GRID2IP: variants seen among roughly 807,000 people sequenced by gnomAD.
GRID2IP encodes delphilin.
In GRID2IP, 78 loss-of-function variants were observed where a neutral mutation model predicts 114.3. The observed-to-expected ratio is 0.68, with a 90% CI of 0.57 to 0.82. The LOEUF (loss-of-function observed/expected upper bound fraction) is 0.82, where lower values mean the gene tolerates loss of function less well. GRID2IP is among the 40% of genes least tolerant of loss of function. GRID2IP has a pLI of 0.00. For synonymous variants in GRID2IP, 809 were observed against 724.0 expected, an observed-to-expected ratio of 1.12 and a Z score of -1.89; for missense variants, 1,727 against 1,678.5, an observed-to-expected ratio of 1.03 and a Z score of -0.51.
Position 6,508,115 on chromosome 7 carries a change from G to C in GRID2IP, c.2414C>G (p.Pro805Arg), listed in dbSNP as rs1419351504. Reference protein sequence around the residue: ...VPPPPPPPLPPPVPCAPPMLS... With the variant: ...VPPPPPPPLPRPVPCAPPMLS... The stretch of plus-strand genomic sequence containing the variant: ...CATGGGGGGTGCACAGGGCACGGGT[G>C]GGGGCAGGGGCGGTGGGGGTGGTGG... The change falls in exon 13 of 22, where the codon CCA becomes CGA. Residue 805 changes from proline to arginine, a missense_variant. Pro to Arg is a moderately radical substitution (Grantham distance 103, BLOSUM62 -2). Coordinates refer to ENST00000457091, the MANE Select transcript of GRID2IP (RefSeq NM_001145118.2). The surrounding 1 kb of genome is among the most constrained non-coding windows in gnomAD (Gnocchi z 5.6). 1.3e-6 allele frequency: 2 copies of C among 1,528,882 alleles called. No individual in the cohort carries two copies. Among genetic ancestry groups the C allele is most frequent in the Non-Finnish European group, 1.8e-6 (2 of 1,138,898 alleles). The allele number at this position is 1,528,882 out of a possible 1,614,324, so 94.7% of individuals were successfully genotyped here. A position where few individuals can be genotyped will look rare whatever the true frequency, so the allele number is the denominator to read the frequency against.
At chr7:6,500,961 C>T (rs1013908555) in intron 20 of GRID2IP, among the ~76,000 whole-genome samples, 2 of 152,216 alleles carry the variant, frequency 1.3e-5, no homozygotes, top group Non-Finnish European at 2.9e-5. Flanking sequence ...GCTCTGGGCT[C>T]CACTGCCCCA....
chr7:6,542,004 CAA>C (rs1324309542), intron 1 of GRID2IP, among the ~76,000 whole-genome samples: 1 of 152,010 alleles, frequency 6.6e-6, no homozygotes, highest in African/African-American at 2.4e-5. Flanking sequence ...AGGCCAAAAA[CAA>C]AGAGGAAAAT....
Position 6,508,082 on chromosome 7 carries a change from CGGGACAGCATGG to C in GRID2IP, c.2435_2446del (p.Pro812_Ser815del). ...CTCACTGCGCCGGTGGCCCAGGCCC[CGGGACAGCATGG>C]GGGGTGCACAGGGCACGGGTGGGGG... On this transcript the variant is annotated inframe_deletion, in exon 13 of 22. Transcript: ENST00000457091. The surrounding 1 kb of genome is among the most constrained non-coding windows in gnomAD (Gnocchi z 5.6). The C allele has an allele frequency of 7.9e-7, 1 of 1,264,124 alleles. No individual in the cohort carries two copies. The highest frequency in any genetic ancestry group is 1.0e-6 in the Non-Finnish European group (1 of 974,902). The allele number at this position is 1,264,124 out of a possible 1,614,324, so 78.3% of individuals were successfully genotyped here.
chr7:6,531,321 T>C (rs1025085632), intron 2 of GRID2IP: 41 of 390,588 alleles, frequency 1.0e-4, no homozygotes, highest in Non-Finnish European at 1.7e-4. Flanking sequence ...TTTTGGTCGC[T>C]CTGGGGTGCA....
intron 1 of GRID2IP, among the ~76,000 whole-genome samples, chr7:6,540,536 T>C (rs976965595): frequency 6.6e-6 from 1 of 151,768 alleles, no homozygotes. Context: ...TTATTTATTT[T>C]TTGTGACAGA....
intron 7 of GRID2IP, among the ~76,000 whole-genome samples, chr7:6,517,220 A>G (rs894349143): frequency 6.8e-6 from 1 of 146,916 alleles, no homozygotes; most frequent in African/African-American, 2.5e-5. Context: ...ACGCCCGGCT[A>G]TTTTTTTTTT....
intron 20 of GRID2IP, among the ~76,000 whole-genome samples, chr7:6,501,153 C>G (rs1363680702): frequency 6.6e-6 from 1 of 152,196 alleles, no homozygotes; most frequent in Non-Finnish European, 1.5e-5. Flanking sequence ...GAGTGCAAGA[C>G]CAGCCTGGAA....
At position 6,520,464 on chromosome 7, in the gene GRID2IP, A is replaced by C. The variant is rs1227594093; in HGVS notation, c.1268+114T>G. Reference sequence around the variant, plus strand: ...GATACCAGCAGCCACCTTCCTGAGCATCCCCCAGGAGAACGGGACTGAGGA... The same window carrying C: ...GATACCAGCAGCCACCTTCCTGAGCCTCCCCCAGGAGAACGGGACTGAGGA... On this transcript the variant is annotated intron_variant, in intron 7 of 21. Transcript: ENST00000457091. The surrounding 1 kb of genome is among the most constrained non-coding windows in gnomAD (Gnocchi z 4.6). 1.7e-6 allele frequency: 2 copies of C among 1,188,660 alleles called. No homozygotes were observed. The highest frequency in any genetic ancestry group is 2.3e-6 in the Non-Finnish European group (2 of 869,522). 73.6% of individuals were successfully genotyped at this position (1,188,660 alleles called of 1,614,324 possible).
Position 6,532,528 on chromosome 7 carries a change from A to AC in GRID2IP, c.585-5760dup, listed in dbSNP as rs889978021. 2.0e-5 allele frequency among the ~76,000 whole-genome samples: 3 copies of AC among 151,186 alleles called. No individual in the cohort carries two copies. The highest frequency in any genetic ancestry group is 4.2e-4 in the South Asian group (2 of 4,766). On this transcript the variant is annotated intron_variant, in intron 2 of 21. Coordinates refer to ENST00000457091, the MANE Select transcript of GRID2IP (RefSeq NM_001145118.2). This position sits in a 1 kb window ranked among gnomAD's most constrained non-coding sequence, Gnocchi z 4.4. ...CTTGCAAGACCATCACTTTGCTGTGACCCCCCGTGGCTGTACTTCTTCCTG... is the reference window on the plus strand; with the variant it reads ...CTTGCAAGACCATCACTTTGCTGTGACCCCCCCGTGGCTGTACTTCTTCCTG...
chr7:6,520,900 T>G lies in GRID2IP; in HGVS notation c.1085-139A>C. The G allele has an allele frequency of 2.5e-6, 2 of 798,850 alleles. No homozygotes were observed. The highest frequency in any genetic ancestry group is 3.9e-6 in the Non-Finnish European group (2 of 511,458). The allele number at this position is 798,850 out of a possible 1,614,324, so 49.5% of individuals were successfully genotyped here. A position where few individuals can be genotyped will look rare whatever the true frequency, so the allele number is the denominator to read the frequency against. On this transcript the variant is annotated intron_variant, in intron 6 of 21. Transcript: ENST00000457091. This position sits in a 1 kb window ranked among gnomAD's most constrained non-coding sequence, Gnocchi z 4.6. ...TGCCATGCATGGGAAGGCATGCCTGTGGCCCGACACCGGGGCCAAGGATAG... is the reference window on the plus strand; with the variant it reads ...TGCCATGCATGGGAAGGCATGCCTGGGGCCCGACACCGGGGCCAAGGATAG...
intron 16 of GRID2IP, 115 bp downstream of exon 16, chr7:6,503,376 A>G: frequency 8.9e-7 from 1 of 1,129,940 alleles, no homozygotes; most frequent in Non-Finnish European, 1.2e-6. Flanking sequence ...TGGGACTCAG[A>G]GGCTTGGGCG....
At chr7:6,515,266 A>C (rs1017667196) in intron 7 of GRID2IP, among the ~76,000 whole-genome samples, 4 of 152,120 alleles carry the variant, frequency 2.6e-5, no homozygotes, top group Admixed American at 2.6e-4. Flanking sequence ...GTTCAAGACC[A>C]GTCTGGCCAA....
At chr7:6,549,429 A>G (rs574066840) in intron 1 of GRID2IP, among the ~76,000 whole-genome samples, 1 of 152,160 alleles carries the variant, frequency 6.6e-6, no homozygotes, top group South Asian at 2.1e-4. Flanking sequence ...GGACCACGCT[A>G]ATATTCCACC....
At position 6,539,821 on chromosome 7, in the gene GRID2IP, C is replaced by A; in HGVS notation, c.481G>T (p.Ala161Ser). ...QPTAKEQVFAALKQFAAEQRV... is the reference protein window; with the variant it reads ...QPTAKEQVFASLKQFAAEQRV... ...TGCTCAGCTGCAAACTGCTTCAGTG[C>A]AGCGAACACCTGCTCCTTGGCAGTT... is the stretch of plus-strand genomic sequence containing the variant. The change falls in exon 2 of 22, where the codon GCA becomes TCA. Residue 161 changes from alanine to serine, a missense_variant. By Grantham distance (99) the Ala-to-Ser change is moderately conservative. Transcript: ENST00000457091. 2 of 1,551,202 alleles carry A rather than the reference C, an allele frequency of 1.3e-6. No homozygotes were observed. The highest frequency in any genetic ancestry group is 1.7e-6 in the Non-Finnish European group (2 of 1,146,958).
intron 2 of GRID2IP, among the ~76,000 whole-genome samples, chr7:6,531,848 G>T (rs550494100): frequency 6.6e-6 from 1 of 152,194 alleles, no homozygotes; most frequent in Non-Finnish European, 1.5e-5. Context: ...TGACCCAGAG[G>T]GGGGTGTTGG....
intron 2 of GRID2IP, among the ~76,000 whole-genome samples, chr7:6,530,540 C>T (rs13240399): frequency 3.6e-5 from 5 of 140,812 alleles, no homozygotes; most frequent in Admixed American, 1.4e-4. Flanking sequence ...TCCCAAAGTG[C>T]TGGGATTACA....
chr7:6,536,773 T>C lies in GRID2IP; in HGVS notation c.584+2945A>G, dbSNP rs1382318437. The C allele has an allele frequency of 8.6e-6, 6 of 701,266 alleles. No homozygotes were observed. The highest frequency in any genetic ancestry group is 1.8e-5 in the African/African-American group (1 of 56,996). The allele number at this position is 701,266 out of a possible 1,614,324, so 43.4% of individuals were successfully genotyped here. On this transcript the variant is annotated intron_variant, in intron 2 of 21. Coordinates refer to ENST00000457091, the MANE Select transcript of GRID2IP (RefSeq NM_001145118.2). This position sits in a 1 kb window ranked among gnomAD's most constrained non-coding sequence, Gnocchi z 5.3. ...CGGCAAATTCGGCTCTAGAAATAAC[T>C]TTTTTCCTTTTTTCCCCTCTTCTGA... is the stretch of plus-strand genomic sequence containing the variant.
Position 6,526,722 on chromosome 7 carries a change from G to A in GRID2IP, c.632C>T (p.Ser211Phe). The change falls in exon 3 of 22, where the codon TCT (serine) becomes TTT (phenylalanine). Residue 211 changes from serine (S) to phenylalanine (F), a missense_variant. Ser to Phe is a radical substitution (Grantham distance 155, BLOSUM62 -2). Transcript: ENST00000457091. This position sits in a 1 kb window ranked among gnomAD's most constrained non-coding sequence, Gnocchi z 7.6. ...GCACAGCTTGCCCAGGAGGCCCTGA[G>A]ACACCACCTCGTCGAAGCGCGCCCG... ...KHRARFDEVVSQGLLGKLCRA... is the reference protein window; with the variant it reads ...KHRARFDEVVFQGLLGKLCRA... 6.6e-7 allele frequency: 1 copy of A among 1,524,072 alleles called. No individual in the cohort carries two copies. Among genetic ancestry groups the A allele is most frequent in the Non-Finnish European group, 8.8e-7 (1 of 1,135,878 alleles). The allele number at this position is 1,524,072 out of a possible 1,614,324, so 94.4% of individuals were successfully genotyped here. A position where few individuals can be genotyped will look rare whatever the true frequency, so the allele number is the denominator to read the frequency against.
chr7:6,533,659 CA>C lies in GRID2IP; in HGVS notation c.584+6058del, dbSNP rs1286439263. Among the ~76,000 whole-genome samples, 3 of 151,208 alleles carry C rather than the reference CA, an allele frequency of 2.0e-5. No homozygotes were observed. In the Admixed American group the frequency reaches 2.0e-4, roughly 10 times the overall value. On this transcript the variant is annotated intron_variant, in intron 2 of 21. Transcript: ENST00000457091. ...GATTACAGGCAGGCACCACTGCCCC[CA>C]GCTCATTTTTAAACTTTTTTTTTTT...
Sources: gnomAD v4.1 joint callset for allele counts (sites outside exome capture counted in the v4.1 genomes callset) on GRCh38, gnomAD v4.1.1 for gene constraint, Gnocchi (gnomAD v3.1) non-coding constraint, MANE v1.5 for transcripts, NCBI Gene and HGNC (gene_info 2026-07-23, HGNC 2026-07-21) for gene names.